TGM7: variants seen among roughly 807,000 people sequenced by gnomAD.
TGM7 encodes protein-glutamine gamma-glutamyltransferase Z.
Under a neutral mutation model 79.5 loss-of-function variants are expected in TGM7, and 74 were observed. The observed-to-expected ratio is 0.93, with a 90% CI of 0.77 to 1.13. The LOEUF (loss-of-function observed/expected upper bound fraction) is 1.13, where lower values mean the gene tolerates loss of function less well. TGM7 is among the 50% of genes most tolerant of loss of function. The probability of loss-of-function intolerance (pLI) is 0.00; values close to 1 mark genes in which losing one functional copy is unlikely to be tolerated. For missense variants in TGM7, 912 were observed against 905.9 expected (o/e 1.01, Z -0.09); for synonymous variants, 354 against 362.5 (o/e 0.98, Z 0.27).
At chr15:43,287,250 A>G in intron 6 of TGM7, 30 bp downstream of exon 6, 1 of 1,599,102 alleles carries the variant, frequency 6.3e-7, no homozygotes, top group Non-Finnish European at 8.5e-7. Flanking sequence ...GAAGTTAATC[A>G]CACCCCTAAG....
Position 43,279,963 on chromosome 15 carries a change from A to G in TGM7, c.1352-12T>C. ...CTCCTCAGGGGATCCTGCAGAAGGG[A>G]GAGGTAGGAGAGACATGCATGGGGA... On this transcript the variant is annotated splice_polypyrimidine_tract_variant and intron_variant, in intron 9 of 12. Coordinates refer to ENST00000452443, the MANE Select transcript of TGM7 (RefSeq NM_052955.3). 1 of 1,607,564 alleles carries G rather than the reference A, an allele frequency of 6.2e-7. No individual in the cohort carries two copies. Among genetic ancestry groups the G allele is most frequent in the Non-Finnish European group, 8.5e-7 (1 of 1,175,948 alleles).
intron 4 of TGM7, among the ~76,000 whole-genome samples, chr15:43,290,889 C>T (rs2042960492): frequency 6.6e-6 from 1 of 152,162 alleles, no homozygotes; most frequent in Non-Finnish European, 1.5e-5. Flanking sequence ...TATAAGAATG[C>T]TTGTGATTTT....
At position 43,279,899 on chromosome 15, in the gene TGM7, G is replaced by A; in HGVS notation, c.1404C>T (p.Gly468=). The change falls in exon 10 of 13, where the codon GGC becomes GGT. Residue 468 remains glycine, a synonymous_variant. Coordinates refer to ENST00000452443, the MANE Select transcript of TGM7 (RefSeq NM_052955.3). The part of the protein sequence containing the change: ...VFMKASRKML[G]PQRASLPFLD... ...GGAAGGGCAAAGAAGCTCTTTGGGG[G>A]CCCAGCATTTTCCGAGAAGCCTTCA... 1.9e-6 allele frequency: 3 copies of A among 1,614,176 alleles called. No homozygotes were observed. Among genetic ancestry groups the A allele is most frequent in the Non-Finnish European group, 2.5e-6 (3 of 1,180,028 alleles).
chr15:43,287,146 G>C, intron 6 of TGM7, 134 bp downstream of exon 6: 1 of 971,398 alleles, frequency 1.0e-6, no homozygotes, highest in Non-Finnish European at 1.5e-6. Context: ...TGTATGGTGT[G>C]CTAGCTCAGG....
chr15:43,287,166 C>G (rs1224657258), intron 6 of TGM7, 114 bp downstream of exon 6: 4 of 1,294,746 alleles, frequency 3.1e-6, no homozygotes, highest in Non-Finnish European at 4.3e-6. Flanking sequence ...GGCCTGGGTG[C>G]CCACCACCCC....
intron 1 of TGM7, among the ~76,000 whole-genome samples, chr15:43,299,772 C>A (rs926821987): frequency 6.6e-6 from 1 of 152,146 alleles, no homozygotes; most frequent in Non-Finnish European, 1.5e-5. Context: ...TTTACAAATA[C>A]GTTATTCTTT....
chr15:43,279,585 C>A (rs770209053), intron 10 of TGM7, 40 bp downstream of exon 10: 7 of 1,530,832 alleles, frequency 4.6e-6, no homozygotes, highest in Non-Finnish European at 6.2e-6. Flanking sequence ...CCACAGCTCC[C>A]CTCCCTGTAG....
rs1471622745 is a variant in TGM7 at position 43,279,946 on chromosome 15, G to A, written c.1357C>T (p.Pro453Ser). Residue 453 changes from proline to serine, a missense_variant, in exon 10 of 13, where the codon CCT becomes TCT. Transcript: ENST00000452443. Reference protein sequence around the residue: ...TSSYKYPEGSPEERAVFMKAS... With the variant: ...TSSYKYPEGSSEERAVFMKAS... ...TTCATGAAGACAGCTCTCTCCTCAG[G>A]GGATCCTGCAGAAGGGAGAGGTAGG... is the stretch of plus-strand genomic sequence containing the variant. 1.2e-6 allele frequency: 2 copies of A among 1,613,494 alleles called. No individual in the cohort carries two copies. Among genetic ancestry groups the A allele is most frequent in the East Asian group, 4.5e-5 (2 of 44,880 alleles).
intron 6 of TGM7, among the ~76,000 whole-genome samples, chr15:43,286,370 C>T (rs1308515966): frequency 6.6e-6 from 1 of 152,188 alleles, no homozygotes; most frequent in East Asian, 1.9e-4. Flanking sequence ...CTACCTAGCA[C>T]GGCCTGGGGA....
chr15:43,285,814 C>T (rs2042932708), intron 6 of TGM7, among the ~76,000 whole-genome samples: 1 of 150,592 alleles, frequency 6.6e-6, no homozygotes, highest in Non-Finnish European at 1.5e-5. Flanking sequence ...AATCTAGTCA[C>T]ACAGTGTAAA....
chr15:43,276,746 G>T, intron 12 of TGM7, 116 bp downstream of exon 12: 4 of 1,539,226 alleles, frequency 2.6e-6, no homozygotes, highest in Non-Finnish European at 3.5e-6. Flanking sequence ...CCTGAGGAGG[G>T]TGAGAAAGTG....
chr15:43,295,289 C>T (rs1341064336), intron 1 of TGM7, among the ~76,000 whole-genome samples: 2 of 152,204 alleles, frequency 1.3e-5, no homozygotes, highest in African/African-American at 4.8e-5. Context: ...AACACTGAGC[C>T]ATTAAGAAAT....
intron 1 of TGM7, among the ~76,000 whole-genome samples, chr15:43,298,214 G>A (rs1176680099): frequency 1.3e-5 from 2 of 152,204 alleles, no homozygotes; most frequent in Non-Finnish European, 2.9e-5. Flanking sequence ...GGTTCTTGGT[G>A]ACATTTGCTG....
In TGM7 at chr15:43,296,244, T is replaced by G. The variant is rs568329694; in HGVS notation, c.11-2613A>C. On this transcript the variant is annotated intron_variant, in intron 1 of 12. Coordinates refer to ENST00000452443, the MANE Select transcript of TGM7 (RefSeq NM_052955.3). ...ATTGAGACCATCCTGGCTAACATGG[T>G]GAAACCCCTTCTCTACTAAAGATAC... 2.6e-5 allele frequency among the ~76,000 whole-genome samples: 4 copies of G among 152,076 alleles called. No individual in the cohort carries two copies. In the East Asian group the frequency reaches 5.8e-4, roughly 22 times the overall value.
chr15:43,298,642 G>A (rs962167196), intron 1 of TGM7, among the ~76,000 whole-genome samples: 2 of 151,866 alleles, frequency 1.3e-5, no homozygotes, highest in Non-Finnish European at 1.5e-5. Context: ...AGTCCCAGCT[G>A]CTTGGGAGGC....
intron 2 of TGM7, 110 bp from the exon 3 acceptor site, chr15:43,293,064 T>C: frequency 6.9e-7 from 1 of 1,449,550 alleles, no homozygotes; most frequent in Non-Finnish European, 9.3e-7. Context: ...CTAATGCTTT[T>C]GGCTTTTACT....
intron 10 of TGM7, 89 bp downstream of exon 10, chr15:43,279,536 G>C: frequency 6.9e-7 from 1 of 1,444,696 alleles, no homozygotes; most frequent in African/African-American, 1.4e-5. Context: ...AGGGGTCTGT[G>C]TGTAATCTGG....
chr15:43,297,945 T>C (rs1798733291), intron 1 of TGM7, among the ~76,000 whole-genome samples: 1 of 152,250 alleles, frequency 6.6e-6, no homozygotes, highest in Non-Finnish European at 1.5e-5. Context: ...AAATGCAGAT[T>C]CCCCTGCCTA....
intron 1 of TGM7, 106 bp from the exon 2 acceptor site, chr15:43,293,737 G>A (rs1310822194): frequency 3.6e-5 from 7 of 195,766 alleles, no homozygotes; most frequent in Non-Finnish European, 5.5e-5. Context: ...GTGGTGGGGC[G>A]TGCGGGGGGT....
Sources: allele counts gnomAD v4.1 joint callset (sites outside exome capture counted in the v4.1 genomes callset), GRCh38; gene constraint gnomAD v4.1.1; transcripts MANE v1.5; gene names NCBI Gene and HGNC (gene_info 2026-07-23, HGNC 2026-07-21).